The following CCDC167 variants were observed in gnomAD, a reference collection of about 807,000 sequenced individuals.
CCDC167 encodes coiled-coil domain-containing protein 167.
A neutral mutation model predicts 12.7 loss-of-function variants in CCDC167; 15 were observed. That is an observed-to-expected ratio of 1.18 (90% confidence interval 0.79 to 1.81). The LOEUF is 1.81. Ranked by LOEUF, CCDC167 falls within the 40% of genes most tolerant of loss-of-function variation. The pLI, the probability that CCDC167 is intolerant of heterozygous loss-of-function variation, is 0.00. For synonymous variants in CCDC167, 52 were observed against 49.0 expected, an observed-to-expected ratio of 1.06 and a Z score of -0.26; for missense variants, 121 against 120.1, an observed-to-expected ratio of 1.01 and a Z score of -0.03.
At chr6:37,487,635 C>T (rs1476510154) in intron 1 of CCDC167, among the ~76,000 whole-genome samples, 2 of 152,204 alleles carry the variant, frequency 1.3e-5, no homozygotes, top group Admixed American at 1.3e-4. Flanking sequence ...CTGAACACCT[C>T]TGGAAGGCTA....
At chr6:37,497,939 A>G (rs1762118575) in intron 1 of CCDC167, among the ~76,000 whole-genome samples, 1 of 152,170 alleles carries the variant, frequency 6.6e-6, no homozygotes, top group Non-Finnish European at 1.5e-5. Flanking sequence ...TAAATAGAAC[A>G]CAATAAGGAC....
chr6:37,494,805 A>ATTTTTTTTTTTTTTTTTTTTT (rs201478338), intron 1 of CCDC167, among the ~76,000 whole-genome samples: 2 of 115,218 alleles, frequency 1.7e-5, no homozygotes, highest in African/African-American at 7.8e-5. Flanking sequence ...CTACCTACAA[A>ATTTTTTTTTTTTTTTTTTTTT]TTTTTTTTTT....
intron 1 of CCDC167, among the ~76,000 whole-genome samples, chr6:37,495,120 G>C (rs577640832): frequency 5.9e-5 from 9 of 152,182 alleles, no homozygotes; most frequent in African/African-American, 1.4e-4. Flanking sequence ...TCTATAAGGG[G>C]AAAAGTCTAC....
chr6:37,495,948 A>G (rs1482744851), intron 1 of CCDC167, among the ~76,000 whole-genome samples: 1 of 152,240 alleles, frequency 6.6e-6, no homozygotes, highest in Non-Finnish European at 1.5e-5. Flanking sequence ...GTGGGGAGAC[A>G]GCCAGCCAGA....
chr6:37,491,722 G>A (rs1288567671), intron 1 of CCDC167, among the ~76,000 whole-genome samples: 1 of 152,240 alleles, frequency 6.6e-6, no homozygotes, highest in Non-Finnish European at 1.5e-5. Context: ...AGTGACAGCA[G>A]CAGCAACACT....
intron 1 of CCDC167, among the ~76,000 whole-genome samples, chr6:37,491,431 C>G (rs1762020679): frequency 1.3e-5 from 2 of 152,200 alleles, no homozygotes; most frequent in African/African-American, 2.4e-5. Context: ...ACAGGCCACT[C>G]TGCTTTCTGA....
At chr6:37,484,433 T>C (rs1201935380) in intron 3 of CCDC167, among the ~76,000 whole-genome samples, 1 of 142,802 alleles carries the variant, frequency 7.0e-6, no homozygotes. Flanking sequence ...TTCGGCTTCC[T>C]TCACCCCTCA....
intron 1 of CCDC167, among the ~76,000 whole-genome samples, chr6:37,498,249 G>A (rs1342360847): frequency 6.6e-6 from 1 of 152,006 alleles, no homozygotes; most frequent in Non-Finnish European, 1.5e-5. Context: ...GACATCTCCT[G>A]CCCCTTGCTC....
At chr6:37,485,872 TTAAGG>T (rs1415596178) in intron 1 of CCDC167, among the ~76,000 whole-genome samples, 1 of 152,200 alleles carries the variant, frequency 6.6e-6, no homozygotes, top group Non-Finnish European at 1.5e-5. Context: ...AGCAAAATAG[TTAAGG>T]TATCTGTTTT....
At chr6:37,484,088 G>A (rs1266890682) in intron 3 of CCDC167, among the ~76,000 whole-genome samples, 1 of 152,212 alleles carries the variant, frequency 6.6e-6, no homozygotes, top group Non-Finnish European at 1.5e-5. Context: ...GGGTGCACCG[G>A]CCCAGACATG....
rs1321170550 is a variant in CCDC167 at position 37,483,038 on chromosome 6, G to A, written c.*148C>T. The A allele has an allele frequency of 4.1e-6, 3 of 730,336 alleles. No individual in the cohort carries two copies. The highest frequency in any genetic ancestry group is 7.5e-6 in the Non-Finnish European group (3 of 400,994). 45.2% of individuals were successfully genotyped at this position (730,336 alleles called of 1,614,324 possible). ...ACCCCCCAGCAGGCCAGGGAGGCAA[G>A]GCCTGGGCCGCCAGGAAGCCATGCT... On this transcript the variant is annotated 3_prime_UTR_variant, in exon 4 of 4. Transcript: ENST00000373408.
intron 1 of CCDC167, among the ~76,000 whole-genome samples, chr6:37,496,410 G>C (rs570190735): frequency 4.3e-4 from 66 of 151,884 alleles, no homozygotes; most frequent in African/African-American, 1.5e-3. Context: ...CTACAGCCTG[G>C]GCAACAGAGC....
At chr6:37,486,251 C>T (rs1761941446) in intron 1 of CCDC167, among the ~76,000 whole-genome samples, 1 of 152,216 alleles carries the variant, frequency 6.6e-6, no homozygotes, top group Non-Finnish European at 1.5e-5. Flanking sequence ...AATGGGGGTC[C>T]CCCAAATGGA....
chr6:37,492,375 C>T (rs1329542713), intron 1 of CCDC167, among the ~76,000 whole-genome samples: 4 of 152,078 alleles, frequency 2.6e-5, no homozygotes, highest in African/African-American at 9.7e-5. Flanking sequence ...CAGTTTCTGT[C>T]TACATAACAG....
At position 37,482,991 on chromosome 6, in the gene CCDC167, C is replaced by G; in HGVS notation, c.*195G>C. On this transcript the variant is annotated 3_prime_UTR_variant, in exon 4 of 4. Transcript: ENST00000373408. ...CTTGGGCTAAGGGAGGGACCAGCAC[C>G]ATGTCCTTCTGGAGACCCGGAACCC... 1 of 663,886 alleles carries G rather than the reference C, an allele frequency of 1.5e-6. No individual in the cohort carries two copies. The highest frequency in any genetic ancestry group is 2.8e-6 in the Non-Finnish European group (1 of 353,640). The allele number at this position is 663,886 out of a possible 1,614,324, so 41.1% of individuals were successfully genotyped here. A position where few individuals can be genotyped will look rare whatever the true frequency, so the allele number is the denominator to read the frequency against.
chr6:37,483,725 G>C (rs1016755531), intron 3 of CCDC167, among the ~76,000 whole-genome samples: 5 of 152,214 alleles, frequency 3.3e-5, no homozygotes, highest in African/African-American at 9.6e-5. Context: ...CCTGACAGTG[G>C]AGGAGGTGCT....
chr6:37,487,612 C>T (rs575334742), intron 1 of CCDC167, among the ~76,000 whole-genome samples: 3 of 152,282 alleles, frequency 2.0e-5, no homozygotes, highest in Admixed American at 6.5e-5. Flanking sequence ...GAGCAGATTG[C>T]GGAATTCCAT....
chr6:37,499,008 C>T (rs2113912118), intron 1 of CCDC167, among the ~76,000 whole-genome samples: 1 of 152,286 alleles, frequency 6.6e-6, no homozygotes, highest in South Asian at 2.1e-4. Context: ...ACCTCTCCTG[C>T]AACCTCCGGG....
intron 1 of CCDC167, among the ~76,000 whole-genome samples, chr6:37,491,453 G>A (rs1561799122): frequency 6.6e-6 from 1 of 152,214 alleles, no homozygotes; most frequent in Non-Finnish European, 1.5e-5. Flanking sequence ...TTAGGAAGCT[G>A]TTTGCTGTCT....
Sources: gnomAD v4.1 joint callset for allele counts (sites outside exome capture counted in the v4.1 genomes callset) on GRCh38, gnomAD v4.1.1 for gene constraint, MANE v1.5 for transcripts, NCBI Gene and HGNC (gene_info 2026-07-23, HGNC 2026-07-21) for gene names.